The following HERC5 variants were observed in gnomAD, a reference collection of about 807,000 sequenced individuals.
HERC5 encodes the protein E3 ISG15--protein ligase HERC5.
HERC5 carries 99 observed loss-of-function variants against 119.6 expected under a neutral mutation model. The observed-to-expected ratio is 0.83, with a 90% CI of 0.70 to 0.98. The LOEUF is 0.98. HERC5 is among the 50% of genes least tolerant of loss of function. HERC5 has a pLI of 0.00. For synonymous variants in HERC5, 478 were observed against 445.9 expected, an observed-to-expected ratio of 1.07 and a Z score of -0.91; for missense variants, 1,267 against 1,241.3, an observed-to-expected ratio of 1.02 and a Z score of -0.31.
chr4:88,465,104 G>A (rs182301231), intron 6 of HERC5, among the ~76,000 whole-genome samples: 296 of 152,166 alleles, frequency 1.9e-3, no homozygotes, highest in Non-Finnish European at 3.3e-3. Context: ...TAGTAGAGTC[G>A]GGGTTTCACC....
chr4:88,458,901 A>G (rs1176367323), intron 1 of HERC5, among the ~76,000 whole-genome samples: 3 of 152,172 alleles, frequency 2.0e-5, no homozygotes, highest in African/African-American at 7.2e-5. Flanking sequence ...TCTATTGGTA[A>G]CTGTCGGGAA....
intron 16 of HERC5, among the ~76,000 whole-genome samples, chr4:88,491,125 G>A (rs1427510310): frequency 6.6e-6 from 1 of 152,104 alleles, no homozygotes; most frequent in East Asian, 1.9e-4. Context: ...TTATGAGGTT[G>A]GGCAGCTTGT....
chr4:88,468,309 A>G (rs1412384664), intron 7 of HERC5, 37 bp from the exon 8 acceptor site: 19 of 1,437,666 alleles, frequency 1.3e-5, no homozygotes, highest in Middle Eastern at 1.8e-4. Context: ...GTGCCAAATG[A>G]CTTTCTAAAA....
chr4:88,463,854 G>C lies in HERC5; in HGVS notation c.781-1G>C. On this transcript the variant is annotated splice_acceptor_variant, in intron 5 of 22. Transcript: ENST00000264350. LOFTEE classifies it high-confidence loss of function. ...TCTGATATGACATTCCCTTTCCTTA[G>C]GATGGGCTGCTGTTTACTTTCGGTG... is the stretch of plus-strand genomic sequence containing the variant. 6.2e-7 allele frequency: 1 copy of C among 1,613,228 alleles called. No homozygotes were observed. The highest frequency in any genetic ancestry group is 8.5e-7 in the Non-Finnish European group (1 of 1,179,788).
chr4:88,484,051 C>T (rs113251292), intron 13 of HERC5, among the ~76,000 whole-genome samples: 2,432 of 152,276 alleles, frequency 0.016, 39 homozygotes, highest in Non-Finnish European at 0.022. Context: ...GGTATTTCTT[C>T]AGCCCTATCT....
rs1740175846 is a variant in HERC5, at chr4:88,457,218, G to A, written c.-52G>A. 5 of 1,268,302 alleles carry A rather than the reference G, an allele frequency of 3.9e-6. No homozygotes were observed. The highest frequency in any genetic ancestry group is 2.6e-5 in the South Asian group (1 of 39,080). 78.6% of individuals were successfully genotyped at this position (1,268,302 alleles called of 1,614,324 possible). On this transcript the variant is annotated 5_prime_UTR_variant, in exon 1 of 23. Coordinates refer to ENST00000264350, the MANE Select transcript of HERC5 (RefSeq NM_016323.4). ...AGGCAGTGGGCGCGCTCAGTCCCGG[G>A]ACCAGGCGTTCTCTCCTCTCGCCTC...
chr4:88,470,537 C>T, intron 9 of HERC5, 77 bp from the exon 10 acceptor site: 1 of 753,456 alleles, frequency 1.3e-6, no homozygotes, highest in South Asian at 1.6e-5. Flanking sequence ...TTTATCATGT[C>T]TCATGCTGTA....
At position 88,478,488 on chromosome 4, in the gene HERC5, T is replaced by A. The variant is rs1375028134; in HGVS notation, c.1583-865T>A. Among the ~76,000 whole-genome samples the A allele has an allele frequency of 7.2e-5, 11 of 152,088 alleles. 1 individual carries two copies. The South Asian group carries it at 2.3e-3, about 32-fold the overall frequency. On this transcript the variant is annotated intron_variant, in intron 12 of 22. Coordinates refer to ENST00000264350, the MANE Select transcript of HERC5 (RefSeq NM_016323.4). ...AGGTCAAAGGACACAAAGAAGCAGA[T>A]GTGTAGGATCAACAAGTTTAGAGAT...
chr4:88,500,794 A>G, intron 19 of HERC5, 121 bp from the exon 20 acceptor site: 1 of 744,708 alleles, frequency 1.3e-6, no homozygotes, highest in Non-Finnish European at 2.2e-6. Flanking sequence ...GCTAGCTTTT[A>G]TGACAAAAAT....
chr4:88,479,926 G>T (rs1741220134), intron 13 of HERC5, among the ~76,000 whole-genome samples: 1 of 152,034 alleles, frequency 6.6e-6, no homozygotes, highest in Admixed American at 6.5e-5. Context: ...AATTAGCTGG[G>T]CGTGGTGGCG....
chr4:88,462,286 A>T lies in HERC5; in HGVS notation c.618A>T (p.Leu206Phe). The T allele has an allele frequency of 6.2e-7, 1 of 1,614,238 alleles. No homozygotes were observed. The highest frequency in any genetic ancestry group is 8.5e-7 in the Non-Finnish European group (1 of 1,180,036). The stretch of plus-strand genomic sequence containing the variant: ...CCGGAGAAGCCCACAGCATGGCCTT[A>T]TCCATGTCTGGCAACATTTATTCAT... ...ISAGEAHSMA[L>F]SMSGNIYSWG... is the part of the protein sequence containing the mutation. Residue 206 changes from leucine to phenylalanine, a missense_variant, in exon 4 of 23, where the codon TTA becomes TTT. By Grantham distance (22) the Leu-to-Phe change is conservative. Transcript: ENST00000264350.
At position 88,504,591 on chromosome 4, in the gene HERC5, T is replaced by C. The variant is rs750355148; in HGVS notation, c.2863T>C (p.Phe955Leu). ...HKLTLEEKKKFLVFLTGTDRL... is the reference protein window; with the variant it reads ...HKLTLEEKKKLLVFLTGTDRL... ...ATTGACTCTGGAAGAAAAGAAAAAA[T>C]TCCTTGGTAAGTATTATATCAAGGA... is the stretch of plus-strand genomic sequence containing the variant. Residue 955 changes from phenylalanine to leucine, a missense_variant, in exon 22 of 23, where the codon TTC (phenylalanine) becomes CTC (leucine). By Grantham distance (22) the Phe-to-Leu change is conservative (BLOSUM62 0). Transcript: ENST00000264350. The C allele has an allele frequency of 1.3e-6, 2 of 1,547,692 alleles. No homozygotes were observed. The highest frequency in any genetic ancestry group is 2.5e-5 in the South Asian group (2 of 80,586).
chr4:88,500,732 A>AT (rs1741922837), intron 19 of HERC5, among the ~76,000 whole-genome samples, 183 bp from the exon 20 acceptor site: 1 of 152,242 alleles, frequency 6.6e-6, no homozygotes, highest in African/African-American at 2.4e-5. Context: ...CTTTGAAAAA[A>AT]TTTATTTTTA....
chr4:88,480,462 G>A (rs1170598305), intron 13 of HERC5, among the ~76,000 whole-genome samples: 1 of 138,584 alleles, frequency 7.2e-6, no homozygotes, highest in South Asian at 2.3e-4. Flanking sequence ...TTTTTGTCTT[G>A]TTGGGAGTTC....
chr4:88,473,912 G>A (rs956468084), intron 11 of HERC5: 1 of 152,118 alleles, frequency 6.6e-6, no homozygotes, highest in Non-Finnish European at 1.5e-5. Flanking sequence ...AATAATCATA[G>A]GGCATCCTTG....
chr4:88,458,001 T>C, intron 1 of HERC5: 1 of 988,304 alleles, frequency 1.0e-6, no homozygotes, highest in Non-Finnish European at 1.2e-6. Context: ...GGGAAATAGT[T>C]GCCCGCGTTC....
intron 15 of HERC5, among the ~76,000 whole-genome samples, chr4:88,487,625 A>G (rs141746893): frequency 3.3e-5 from 5 of 152,290 alleles, no homozygotes; most frequent in African/African-American, 1.2e-4. Context: ...ATAAATGGCT[A>G]CTACTCTGTG....
rs1316445525 is a variant in HERC5, at chr4:88,459,348, A to G, written c.267A>G (p.Lys89=). The part of the protein sequence containing the change: ...LAGSGGARTP[K]CIKLGKNMKI... ...TTCCTGGTTGGATTTGCTCTGTAGAATGCATTAAATTAGGAAAAAACATGA... is the reference window on the plus strand; with the variant it reads ...TTCCTGGTTGGATTTGCTCTGTAGAGTGCATTAAATTAGGAAAAAACATGA... Residue 89 remains lysine (K), a splice_region_variant and synonymous_variant, in exon 2 of 23, where the codon AAA becomes AAG. Coordinates refer to ENST00000264350, the MANE Select transcript of HERC5 (RefSeq NM_016323.4). 2 of 1,582,528 alleles carry G rather than the reference A, an allele frequency of 1.3e-6. No individual in the cohort carries two copies. The highest frequency in any genetic ancestry group is 1.4e-5 in the African/African-American group (1 of 73,464).
At chr4:88,475,614 C>G (rs1358410821) in intron 11 of HERC5, among the ~76,000 whole-genome samples, 1 of 151,992 alleles carries the variant, frequency 6.6e-6, no homozygotes, top group Non-Finnish European at 1.5e-5. Context: ...CCTTCATGCA[C>G]CCTGATAATT....
Sources: gnomAD v4.1 joint callset for allele counts (sites outside exome capture counted in the v4.1 genomes callset) on GRCh38, gnomAD v4.1.1 for gene constraint, MANE v1.5 for transcripts, NCBI Gene and HGNC (gene_info 2026-07-23, HGNC 2026-07-21) for gene names.